The following GPATCH2 variants were observed in gnomAD, a reference collection of about 807,000 sequenced individuals.
GPATCH2 encodes the protein G patch domain-containing protein 2.
A neutral mutation model predicts 58.0 loss-of-function variants in GPATCH2; 51 were observed. The observed-to-expected ratio is 0.88, with a 90% confidence interval of 0.70 to 1.11. The LOEUF is 1.11. GPATCH2 is among the 50% of genes most tolerant of loss of function. The pLI is 0.00. For synonymous variants in GPATCH2, 222 were observed against 218.5 expected, an observed-to-expected ratio of 1.02 and a Z score of -0.14; for missense variants, 625 against 652.2, an observed-to-expected ratio of 0.96 and a Z score of 0.45.
At chr1:217,600,648 TTC>T (rs1366125597) in intron 5 of GPATCH2, among the ~76,000 whole-genome samples, 5 of 152,100 alleles carry the variant, frequency 3.3e-5, no homozygotes, top group East Asian at 1.9e-4. Context: ...TTTGCAGCAT[TTC>T]TGTTTCCCTG....
intron 5 of GPATCH2, among the ~76,000 whole-genome samples, chr1:217,585,348 C>T (rs1284610446): frequency 1.3e-5 from 2 of 152,036 alleles, no homozygotes; most frequent in Non-Finnish European, 2.9e-5. Flanking sequence ...CAGTGCCGGG[C>T]GCGGTGGCTC....
chr1:217,571,823 G>GTTCTCCA (rs1666568495), intron 5 of GPATCH2, among the ~76,000 whole-genome samples: 1 of 151,650 alleles, frequency 6.6e-6, no homozygotes. Context: ...AACCCAGGAG[G>GTTCTCCA]TCAAGAGATG....
intron 5 of GPATCH2, among the ~76,000 whole-genome samples, chr1:217,556,899 C>T (rs573651547): frequency 2.6e-5 from 4 of 152,324 alleles, no homozygotes; most frequent in South Asian, 4.1e-4. Context: ...TGGTGAAATG[C>T]TATCTCACTG....
At position 217,630,915 on chromosome 1, in the gene GPATCH2, C is replaced by T. The variant is rs1317237563; in HGVS notation, c.56+1G>A. ...CCCCTCCCCAGGGCCGCCAGCCTCACCAGCTGTTCCCGGCTGCTGGAGCTC... is the reference window on the plus strand; with the variant it reads ...CCCCTCCCCAGGGCCGCCAGCCTCATCAGCTGTTCCCGGCTGCTGGAGCTC... On this transcript the variant is annotated splice_donor_variant, in intron 1 of 9. Transcript: ENST00000366935. LOFTEE classifies it high-confidence loss of function. 1 of 1,587,868 alleles carries T rather than the reference C, an allele frequency of 6.3e-7. No individual in the cohort carries two copies. The highest frequency in any genetic ancestry group is 1.7e-5 in the Admixed American group (1 of 58,752).
chr1:217,619,050 A>G (rs1401661895), intron 2 of GPATCH2, among the ~76,000 whole-genome samples: 1 of 151,872 alleles, frequency 6.6e-6, no homozygotes, highest in Admixed American at 6.6e-5. Flanking sequence ...TTTCTGGCTC[A>G]TAGTTCAGCA....
chr1:217,594,852 T>C (rs531504158), intron 5 of GPATCH2, among the ~76,000 whole-genome samples: 3 of 152,302 alleles, frequency 2.0e-5, no homozygotes, highest in East Asian at 3.9e-4. Flanking sequence ...GCCCTCCTTG[T>C]CCTTCACAGT....
At chr1:217,567,943 C>T (rs1308497165) in intron 5 of GPATCH2, among the ~76,000 whole-genome samples, 4 of 152,088 alleles carry the variant, frequency 2.6e-5, no homozygotes, top group African/African-American at 4.8e-5. Flanking sequence ...GGTGAAACCC[C>T]GTCTCCACTA....
chr1:217,590,202 G>C (rs933233015), intron 5 of GPATCH2, among the ~76,000 whole-genome samples: 1 of 151,862 alleles, frequency 6.6e-6, no homozygotes, highest in Non-Finnish European at 1.5e-5. Flanking sequence ...TGTGTTTTTA[G>C]TAGAGACAGG....
At chr1:217,565,737 C>G (rs560220103) in intron 5 of GPATCH2, among the ~76,000 whole-genome samples, 1 of 146,542 alleles carries the variant, frequency 6.8e-6, no homozygotes, top group African/African-American at 2.4e-5. Context: ...TGAAACTTAA[C>G]GTATAAATAA....
At chr1:217,539,106 T>A (rs1160061589) in intron 5 of GPATCH2, among the ~76,000 whole-genome samples, 4 of 152,154 alleles carry the variant, frequency 2.6e-5, no homozygotes, top group Non-Finnish European at 4.4e-5. Context: ...ATTAAATCCA[T>A]AATTCCATAT....
chr1:217,595,746 C>G (rs1167035353), intron 5 of GPATCH2, among the ~76,000 whole-genome samples: 5 of 152,080 alleles, frequency 3.3e-5, no homozygotes, highest in Admixed American at 6.5e-5. Flanking sequence ...GTGTTCCACG[C>G]ATCTCAGCCT....
intron 8 of GPATCH2, among the ~76,000 whole-genome samples, chr1:217,460,089 G>C (rs1348614997): frequency 6.6e-6 from 1 of 152,036 alleles, no homozygotes; most frequent in Non-Finnish European, 1.5e-5. Context: ...AAACATCCAG[G>C]CTCACTGAGT....
intron 6 of GPATCH2, among the ~76,000 whole-genome samples, chr1:217,514,189 TC>T (rs1663007682): frequency 6.7e-6 from 1 of 149,964 alleles, no homozygotes. Flanking sequence ...CGATGGAGTC[TC>T]ACTCTACTGC....
At chr1:217,578,690 AC>A (rs1488619782) in intron 5 of GPATCH2, among the ~76,000 whole-genome samples, 1 of 152,182 alleles carries the variant, frequency 6.6e-6, no homozygotes, top group Non-Finnish European at 1.5e-5. Flanking sequence ...CTCTTTTCAC[AC>A]AATACACGTA....
chr1:217,493,981 A>T (rs1439071403), intron 7 of GPATCH2, among the ~76,000 whole-genome samples: 1 of 152,142 alleles, frequency 6.6e-6, no homozygotes, highest in Non-Finnish European at 1.5e-5. Context: ...AAAAATTTAT[A>T]GTTTAGTTTT....
intron 1 of GPATCH2, among the ~76,000 whole-genome samples, chr1:217,624,255 C>T (rs760579351): frequency 3.3e-5 from 5 of 152,136 alleles, no homozygotes; most frequent in Non-Finnish European, 5.9e-5. Flanking sequence ...CAGTGTCTCA[C>T]GCCTGTAATC....
chr1:217,450,142 T>C (rs1280639572), intron 8 of GPATCH2, among the ~76,000 whole-genome samples: 2 of 152,148 alleles, frequency 1.3e-5, no homozygotes, highest in Non-Finnish European at 2.9e-5. Context: ...CTTTTCAAGC[T>C]ATAGAAAGAT....
chr1:217,483,870 T>A (rs894694967), intron 8 of GPATCH2, among the ~76,000 whole-genome samples: 1 of 152,224 alleles, frequency 6.6e-6, no homozygotes, highest in Non-Finnish European at 1.5e-5. Context: ...ATATTCTTGA[T>A]ATAAATATTT....
chr1:217,586,219 T>G (rs1190802280), intron 5 of GPATCH2, among the ~76,000 whole-genome samples: 5 of 152,230 alleles, frequency 3.3e-5, no homozygotes, highest in Admixed American at 3.3e-4. Flanking sequence ...CTTGGTTTAT[T>G]GTAACTTTTA....
Sources: gnomAD v4.1 joint callset for allele counts (sites outside exome capture counted in the v4.1 genomes callset) on GRCh38, gnomAD v4.1.1 for gene constraint, MANE v1.5 for transcripts, NCBI Gene and HGNC (gene_info 2026-07-23, HGNC 2026-07-21) for gene names.